The following BCL2L11 variants were observed in gnomAD, a reference collection of about 807,000 sequenced individuals.
BCL2L11 encodes the protein BCL2 like 11.
A neutral mutation model predicts 20.6 loss-of-function variants in BCL2L11; 15 were observed. The observed-to-expected ratio is 0.73, with a 90% CI of 0.49 to 1.12. The LOEUF (loss-of-function observed/expected upper bound fraction) is 1.12. Among genes scored for constraint, BCL2L11 ranks in the 50% most tolerant of loss-of-function variants. The pLI, the probability that BCL2L11 is intolerant of heterozygous loss-of-function variation, is 0.00. For missense variants in BCL2L11, 292 were observed against 260.9 expected (o/e 1.12, Z -0.82); for synonymous variants, 108 against 92.8 (o/e 1.16, Z -0.94).
Position 111,164,332 on chromosome 2 carries a change from C to A in BCL2L11, c.*101C>A. Reference sequence around the variant, plus strand: ...CCTGGTGCCATTATTATGCAGCCAGCGGTTCTCTTGTGGAGGGGGCAGGTG... The same window carrying A: ...CCTGGTGCCATTATTATGCAGCCAGAGGTTCTCTTGTGGAGGGGGCAGGTG... On this transcript the variant is annotated 3_prime_UTR_variant, in exon 4 of 4. Transcript: ENST00000393256. The A allele has an allele frequency of 2.3e-6, 2 of 879,344 alleles. No individual in the cohort carries two copies. Among genetic ancestry groups the A allele is most frequent in the Non-Finnish European group, 3.8e-6 (2 of 522,758 alleles). The allele number at this position is 879,344 out of a possible 1,614,324, so 54.5% of individuals were successfully genotyped here. A position where few individuals can be genotyped will look rare whatever the true frequency, so the allele number is the denominator to read the frequency against.
At chr2:111,153,641 G>C in intron 3 of BCL2L11, 2 of 1,016,542 alleles carry the variant, frequency 2.0e-6, no homozygotes, top group Non-Finnish European at 2.9e-6. Flanking sequence ...TCACTGTGCT[G>C]CTTTAGGATG....
rs1375394802 is a variant in BCL2L11 at position 111,166,470 on chromosome 2, A to G, written c.*2239A>G. Reference sequence around the variant, plus strand: ...GCTGTTGGCACCAGAACTTAAAGCGATGACTGGATGTCTCTGTACTGTATG... The same window carrying G: ...GCTGTTGGCACCAGAACTTAAAGCGGTGACTGGATGTCTCTGTACTGTATG... On this transcript the variant is annotated 3_prime_UTR_variant, in exon 4 of 4. Coordinates refer to ENST00000393256, the MANE Select transcript of BCL2L11 (RefSeq NM_138621.5). 2.6e-5 allele frequency: 4 copies of G among 152,712 alleles called. No homozygotes were observed. The highest frequency in any genetic ancestry group is 5.9e-5 in the Non-Finnish European group (4 of 68,056). The allele number at this position is 152,712 out of a possible 1,614,324, so 9.5% of individuals were successfully genotyped here.
chr2:111,138,028 T>G (rs1389127267), intron 2 of BCL2L11, among the ~76,000 whole-genome samples: 2 of 134,060 alleles, frequency 1.5e-5, no homozygotes, highest in Non-Finnish European at 3.3e-5. Flanking sequence ...TTTTTTTTTT[T>G]GAGATAGAAT....
chr2:111,135,242 T>C (rs1266178589), intron 2 of BCL2L11, among the ~76,000 whole-genome samples: 1 of 152,180 alleles, frequency 6.6e-6, no homozygotes, highest in Non-Finnish European at 1.5e-5. Context: ...TATTCACTGA[T>C]TGTTTTTAAA....
intron 1 of BCL2L11, among the ~76,000 whole-genome samples, chr2:111,122,184 G>A (rs774354806): frequency 1.3e-5 from 2 of 152,256 alleles, no homozygotes; most frequent in Non-Finnish European, 2.9e-5. Flanking sequence ...GCCACAGCCA[G>A]GGCGGTGACG....
At chr2:111,155,975 G>A (rs1159455884) in intron 3 of BCL2L11, among the ~76,000 whole-genome samples, 1 of 152,162 alleles carries the variant, frequency 6.6e-6, no homozygotes, top group South Asian at 2.1e-4. Flanking sequence ...CATTACATTA[G>A]CATTTTCCTG....
At chr2:111,128,551 A>C in intron 2 of BCL2L11, 2 of 1,418,688 alleles carry the variant, frequency 1.4e-6, no homozygotes, top group Non-Finnish European at 1.8e-6. Flanking sequence ...GCCATTTTAC[A>C]TTCCCACCAA....
intron 2 of BCL2L11, among the ~76,000 whole-genome samples, chr2:111,129,437 TA>T (rs1006597221): frequency 3.9e-5 from 6 of 152,190 alleles, no homozygotes; most frequent in African/African-American, 1.4e-4. Context: ...ATTTACATCT[TA>T]AAAAAATTTT....
At position 111,166,608 on chromosome 2, in the gene BCL2L11, A is replaced by G. The variant is rs1207207398; in HGVS notation, c.*2377A>G. 9.8e-5 allele frequency: 15 copies of G among 152,502 alleles called. No individual in the cohort carries two copies. The highest frequency in any genetic ancestry group is 1.9e-4 in the Non-Finnish European group (13 of 67,998). 9.4% of individuals were successfully genotyped at this position (152,502 alleles called of 1,614,324 possible). On this transcript the variant is annotated 3_prime_UTR_variant, in exon 4 of 4. Coordinates refer to ENST00000393256, the MANE Select transcript of BCL2L11 (RefSeq NM_138621.5). ...AAAATAATTAAATCCCCTTTTTGGA[A>G]ACTTACTGCAGGTTTTGTGCCTTGA...
At chr2:111,125,504 T>C (rs888321511) in intron 2 of BCL2L11, among the ~76,000 whole-genome samples, 1 of 152,234 alleles carries the variant, frequency 6.6e-6, no homozygotes, top group African/African-American at 2.4e-5. Context: ...TAATTTAGAT[T>C]GTACCTCATG....
At chr2:111,164,042 TG>T in intron 3 of BCL2L11, 90 bp from the exon 4 acceptor site, 1 of 820,174 alleles carries the variant, frequency 1.2e-6, no homozygotes, top group Non-Finnish European at 2.1e-6. Flanking sequence ...GTGATTAAGA[TG>T]GGATTGGTTG....
intron 2 of BCL2L11, among the ~76,000 whole-genome samples, chr2:111,143,516 G>T (rs2150424421): frequency 6.6e-6 from 1 of 152,274 alleles, no homozygotes; most frequent in Admixed American, 6.5e-5. Context: ...ATTGAAGTGG[G>T]GCTTAGAAGG....
In BCL2L11 at chr2:111,123,727, T is replaced by A. The variant is rs1417118843; in HGVS notation, c.-13-6T>A. 7.2e-7 allele frequency: 1 copy of A among 1,394,632 alleles called. No individual in the cohort carries two copies. Among genetic ancestry groups the A allele is most frequent in the Non-Finnish European group, 9.4e-7 (1 of 1,067,820 alleles). The allele number at this position is 1,394,632 out of a possible 1,614,324, so 86.4% of individuals were successfully genotyped here. ...AAAATAATCTTAGTTTTTATTTTAC[T>A]TGCAGAAAAAAAGACCAAATGGCAA... On this transcript the variant is annotated splice_region_variant and splice_polypyrimidine_tract_variant and intron_variant, in intron 1 of 3. Coordinates refer to ENST00000393256, the MANE Select transcript of BCL2L11 (RefSeq NM_138621.5).
rs1296403219 is a variant in BCL2L11, at chr2:111,151,849, T to C, written c.498+1702T>C. On this transcript the variant is annotated intron_variant, in intron 3 of 3. Coordinates refer to ENST00000393256, the MANE Select transcript of BCL2L11 (RefSeq NM_138621.5). The stretch of plus-strand genomic sequence containing the variant: ...GGCAAAACTCCTGGCATCCTCCACC[T>C]GACATAAACCAGTTCACAGAACATT... 9 of 1,549,734 alleles carry C rather than the reference T, an allele frequency of 5.8e-6. No homozygotes were observed. In the East Asian group the frequency reaches 7.3e-5, roughly 13 times the overall value.
chr2:111,165,888 A>T lies in BCL2L11; in HGVS notation c.*1657A>T, dbSNP rs547756555. ...TTAAATTAGGTGGAAAAATCTAAACATTTTTATCTTCATAATTTAAAAAAT... is the reference window on the plus strand; with the variant it reads ...TTAAATTAGGTGGAAAAATCTAAACTTTTTTATCTTCATAATTTAAAAAAT... On this transcript the variant is annotated 3_prime_UTR_variant, in exon 4 of 4. Coordinates refer to ENST00000393256, the MANE Select transcript of BCL2L11 (RefSeq NM_138621.5). 1 of 152,292 alleles carries T rather than the reference A, an allele frequency of 6.6e-6. No homozygotes were observed. Among genetic ancestry groups the T allele is most frequent in the East Asian group, 1.9e-4 (1 of 5,186 alleles). 9.4% of individuals were successfully genotyped at this position (152,292 alleles called of 1,614,324 possible). A position where few individuals can be genotyped will look rare whatever the true frequency, so the allele number is the denominator to read the frequency against.
intron 1 of BCL2L11, chr2:111,123,045 C>T: frequency 3.1e-6 from 3 of 977,162 alleles, no homozygotes; most frequent in South Asian, 4.7e-5. Flanking sequence ...CGCTTCGTCG[C>T]CCTCCGCCGC....
At chr2:111,153,923 T>G (rs1161620954) in intron 3 of BCL2L11, 1 of 1,523,720 alleles carries the variant, frequency 6.6e-7, no homozygotes, top group Non-Finnish European at 8.8e-7. Context: ...AAAGTCCCAG[T>G]GCATGTCCCC....
chr2:111,153,971 T>G (rs922969811), intron 3 of BCL2L11: 1 of 1,421,942 alleles, frequency 7.0e-7, no homozygotes, highest in African/African-American at 1.4e-5. Flanking sequence ...CAGGTGAACC[T>G]GCCGGGCTGA....
chr2:111,141,676 T>C (rs1197749546), intron 2 of BCL2L11, among the ~76,000 whole-genome samples: 1 of 149,630 alleles, frequency 6.7e-6, no homozygotes, highest in African/African-American at 2.5e-5. Context: ...AAAATAATAA[T>C]AATAATAATC....
Sources: allele counts gnomAD v4.1 joint callset (sites outside exome capture counted in the v4.1 genomes callset), GRCh38; gene constraint gnomAD v4.1.1; transcripts MANE v1.5; gene names NCBI Gene and HGNC (gene_info 2026-07-23, HGNC 2026-07-21).